Variants in RANBP2 observed in about 807,000 individuals in gnomAD.
RANBP2 encodes the protein RAN binding protein 2.
A neutral mutation model predicts 303.6 loss-of-function variants in RANBP2; 57 were observed. The observed-to-expected ratio is 0.19, with a 90% CI of 0.15 to 0.23. RANBP2 has a LOEUF of 0.23. Among genes scored for constraint, RANBP2 ranks in the 10% least tolerant of loss-of-function variants. The pLI, the probability that RANBP2 is intolerant of heterozygous loss-of-function variation, is 1.00. For missense variants in RANBP2, 3,138 were observed against 3,780.8 expected, an observed-to-expected ratio of 0.83 and a Z score of 4.46; for synonymous variants, 1,167 against 1,301.5, an observed-to-expected ratio of 0.90 and a Z score of 2.23.
chr2:109,273,697 C>T, the RANBP2 span, among the ~76,000 whole-genome samples: 4 of 152,252 alleles, frequency 2.6e-5, no homozygotes, highest in South Asian at 2.1e-4. Context: ...TTGTCAGGGA[C>T]GCATGAGATC....
At chr2:109,252,779 G>A in the RANBP2 span, among the ~76,000 whole-genome samples, 1 of 152,180 alleles carries the variant, frequency 6.6e-6, no homozygotes, top group Non-Finnish European at 1.5e-5. Context: ...AAAGCCTGTT[G>A]TATAATAAAG....
the RANBP2 span, among the ~76,000 whole-genome samples, chr2:109,402,388 G>A: frequency 6.6e-6 from 1 of 152,248 alleles, no homozygotes; most frequent in African/African-American, 2.4e-5. Flanking sequence ...TGGTCAGTGG[G>A]TGGCACTTCG....
chr2:109,314,566 C>G, the RANBP2 span, among the ~76,000 whole-genome samples: 2 of 152,170 alleles, frequency 1.3e-5, no homozygotes, highest in Non-Finnish European at 2.9e-5. Context: ...TTTATTATTC[C>G]TGCCACTTCA....
At chr2:108,858,216 C>T in the RANBP2 span, among the ~76,000 whole-genome samples, 3 of 152,078 alleles carry the variant, frequency 2.0e-5, no homozygotes, top group Non-Finnish European at 2.9e-5. Flanking sequence ...TGGTGGTGTG[C>T]GCCTGTAATG....
At chr2:108,794,548 C>G in the RANBP2 span, 1 of 1,592,266 alleles carries the variant, frequency 6.3e-7, no homozygotes, top group Non-Finnish European at 8.6e-7. Context: ...AGTTGCCTTG[C>G]CAACTAATAC....
chr2:109,403,922 G>A, the RANBP2 span, among the ~76,000 whole-genome samples: 2,085 of 152,306 alleles, frequency 0.014, 50 homozygotes, highest in African/African-American at 0.044. Context: ...GAGGGCGTGC[G>A]TGCGGGCTGC....
chr2:108,844,189 A>C, the RANBP2 span, among the ~76,000 whole-genome samples: 1 of 150,706 alleles, frequency 6.6e-6, no homozygotes, highest in Non-Finnish European at 1.5e-5. Context: ...GCCCTACCTG[A>C]TTTTTCCTTT....
the RANBP2 span, among the ~76,000 whole-genome samples, chr2:109,233,023 G>A: frequency 1.3e-5 from 2 of 152,158 alleles, no homozygotes; most frequent in Non-Finnish European, 2.9e-5. Flanking sequence ...CCCCTTGCAG[G>A]ATGGGAAGCA....
the RANBP2 span, among the ~76,000 whole-genome samples, chr2:109,021,916 C>T: frequency 6.6e-6 from 1 of 152,134 alleles, no homozygotes; most frequent in African/African-American, 2.4e-5. Flanking sequence ...TTGAGAAGTG[C>T]CCTGCGGGGT....
chr2:109,128,221 C>T, the RANBP2 span: 1 of 152,268 alleles, frequency 6.6e-6, no homozygotes, highest in African/African-American at 2.4e-5. Flanking sequence ...CCCTGCTGCT[C>T]TCGGTCCTCC....
the RANBP2 span, among the ~76,000 whole-genome samples, chr2:109,440,832 A>G: frequency 6.6e-6 from 1 of 152,202 alleles, no homozygotes; most frequent in Non-Finnish European, 1.5e-5. Flanking sequence ...TCATCTGCAT[A>G]TGAACATGAG....
chr2:108,864,708 C>T, the RANBP2 span, among the ~76,000 whole-genome samples: 2 of 151,410 alleles, frequency 1.3e-5, no homozygotes, highest in African/African-American at 4.8e-5. Flanking sequence ...GCAGGAGAAT[C>T]ACTTGCACCC....
At chr2:108,854,029 TTA>T in the RANBP2 span, among the ~76,000 whole-genome samples, 6 of 112,200 alleles carry the variant, frequency 5.3e-5, no homozygotes, top group African/African-American at 1.7e-4. Context: ...TAAATTTATA[TTA>T]TATATAATAT....
chr2:108,918,184 GTGGGGCGCGAGCCC>G, the RANBP2 span, among the ~76,000 whole-genome samples: 1 of 152,188 alleles, frequency 6.6e-6, no homozygotes, highest in Admixed American at 6.5e-5. Context: ...ACAAACCAGG[GTGGGGCGCGAGCCC>G]TGGTGGAGAT....
the RANBP2 span, among the ~76,000 whole-genome samples, chr2:109,222,707 A>G: frequency 6.6e-6 from 1 of 152,324 alleles, no homozygotes; most frequent in East Asian, 1.9e-4. Flanking sequence ...AAACCCTGGG[A>G]TGGCGTGGGC....
the RANBP2 span, chr2:108,896,657 G>A: frequency 1.9e-6 from 1 of 525,680 alleles, no homozygotes; most frequent in Admixed American, 3.2e-5. Context: ...CTGGCTGTAT[G>A]AGTGAGTAGA....
At chr2:109,419,073 C>T in the RANBP2 span, among the ~76,000 whole-genome samples, 2 of 152,202 alleles carry the variant, frequency 1.3e-5, no homozygotes, top group East Asian at 1.9e-4. Context: ...GACTCCCGGT[C>T]CTCTTGGCCT....
At chr2:109,578,251 T>C in the RANBP2 span, among the ~76,000 whole-genome samples, 1 of 152,156 alleles carries the variant, frequency 6.6e-6, no homozygotes, top group Non-Finnish European at 1.5e-5. Flanking sequence ...CATTGTCAGA[T>C]TGTGTTTTAA....
chr2:109,552,315 A>G, the RANBP2 span, among the ~76,000 whole-genome samples: 1 of 152,190 alleles, frequency 6.6e-6, no homozygotes, highest in Non-Finnish European at 1.5e-5. Context: ...ATGGAAAGTA[A>G]AGCTACTTCA....
Sources: allele counts gnomAD v4.1 joint callset (sites outside exome capture counted in the v4.1 genomes callset), GRCh38; gene constraint gnomAD v4.1.1; transcripts MANE v1.5; gene names NCBI Gene and HGNC (gene_info 2026-07-23, HGNC 2026-07-21).